Variants in ANXA3 observed in about 807,000 individuals in gnomAD.
The protein encoded by ANXA3 is annexin A3.
ANXA3 carries 46 observed loss-of-function variants against 48.8 expected under a neutral mutation model. The observed-to-expected ratio is 0.94, with a 90% CI of 0.74 to 1.21. The LOEUF (loss-of-function observed/expected upper bound fraction) is 1.21. Ranked by LOEUF, ANXA3 falls within the 50% of genes most tolerant of loss-of-function variation. The probability of loss-of-function intolerance (pLI) is 0.00; values close to 1 mark genes in which losing one functional copy is unlikely to be tolerated. For synonymous variants in ANXA3, 128 were observed against 134.7 expected (o/e 0.95, Z 0.35); for missense variants, 383 against 378.6 (o/e 1.01, Z -0.10).
At chr4:78,590,256 T>G (rs1723261769) in intron 6 of ANXA3, among the ~76,000 whole-genome samples, 2 of 152,178 alleles carry the variant, frequency 1.3e-5, no homozygotes, top group Non-Finnish European at 2.9e-5. Flanking sequence ...ACCATTAGGT[T>G]TAATGATGCC....
Position 78,591,555 on chromosome 4 carries a change from A to G in ANXA3, c.415A>G (p.Ser139Gly), listed in dbSNP as rs201122822. 1.9e-6 allele frequency: 3 copies of G among 1,611,072 alleles called. No individual in the cohort carries two copies. Among genetic ancestry groups the G allele is most frequent in the Non-Finnish European group, 2.5e-6 (3 of 1,177,758 alleles). ...TGATTTGGTTTCAGTATACAAGAAGAGTCTTGGAGATGACATTAGTTCCGA... is the reference window on the plus strand; with the variant it reads ...TGATTTGGTTTCAGTATACAAGAAGGGTCTTGGAGATGACATTAGTTCCGA... ...SQAYYTVYKKSLGDDISSETS... is the reference protein window; with the variant it reads ...SQAYYTVYKKGLGDDISSETS... Residue 139 changes from serine (S) to glycine (G), a missense_variant, in exon 7 of 13, where the codon AGT (serine) becomes GGT (glycine). Transcript: ENST00000264908.
chr4:78,577,542 G>A (rs1312062899), intron 3 of ANXA3, among the ~76,000 whole-genome samples: 3 of 152,104 alleles, frequency 2.0e-5, no homozygotes, highest in African/African-American at 4.8e-5. Flanking sequence ...AATCTGATTC[G>A]GTATTTATTT....
At chr4:78,569,774 C>T (rs1053911120) in intron 2 of ANXA3, among the ~76,000 whole-genome samples, 9 of 152,144 alleles carry the variant, frequency 5.9e-5, no homozygotes, top group Non-Finnish European at 8.8e-5. Flanking sequence ...TGAACTCCCT[C>T]GAGGCATTGT....
At chr4:78,595,699 A>G (rs1723409005) in intron 8 of ANXA3, 95 bp from the exon 9 acceptor site, 3 of 812,452 alleles carry the variant, frequency 3.7e-6, no homozygotes, top group African/African-American at 3.5e-5. Context: ...ATAATAGATG[A>G]TGGCACTGAC....
intron 2 of ANXA3, among the ~76,000 whole-genome samples, chr4:78,564,943 T>C (rs972395078): frequency 1.3e-5 from 2 of 152,032 alleles, no homozygotes; most frequent in Admixed American, 6.5e-5. Context: ...TGTAAGGAGT[T>C]TGGACTCTAT....
rs79286010 is a variant in ANXA3, at chr4:78,569,711, C to T, written c.16-3469C>T. Among the ~76,000 whole-genome samples the T allele has an allele frequency of 6.6e-3, 1,002 of 152,298 alleles. 13 individuals carry two copies. The highest frequency in any genetic ancestry group is 0.023 in the African/African-American group (961 of 41,544). On this transcript the variant is annotated intron_variant, in intron 2 of 12. Coordinates refer to ENST00000264908, the MANE Select transcript of ANXA3 (RefSeq NM_005139.3). ...AGAATTTGCATTTCTGTCACATTCCCGGGTGATGCTGATGCAGCTGCTTCA... is the reference window on the plus strand; with the variant it reads ...AGAATTTGCATTTCTGTCACATTCCTGGGTGATGCTGATGCAGCTGCTTCA...
chr4:78,598,179 C>CA (rs1723460410), intron 10 of ANXA3, among the ~76,000 whole-genome samples: 1 of 144,666 alleles, frequency 6.9e-6, no homozygotes, highest in African/African-American at 2.5e-5. Flanking sequence ...ATTAAAAAAA[C>CA]CACACACACA....
intron 6 of ANXA3, among the ~76,000 whole-genome samples, chr4:78,588,438 A>G (rs1351373151): frequency 6.6e-6 from 1 of 152,204 alleles, no homozygotes; most frequent in South Asian, 2.1e-4. Flanking sequence ...GGACTGAAAA[A>G]GCAAAAAGGG....
chr4:78,557,119 C>G (rs1182740697), intron 2 of ANXA3, among the ~76,000 whole-genome samples: 1 of 152,046 alleles, frequency 6.6e-6, no homozygotes, highest in African/African-American at 2.4e-5. Flanking sequence ...AATTTAGTTC[C>G]TTGTAGTTGT....
At chr4:78,570,045 T>C (rs1398650641) in intron 2 of ANXA3, among the ~76,000 whole-genome samples, 1 of 152,250 alleles carries the variant, frequency 6.6e-6, no homozygotes, top group Non-Finnish European at 1.5e-5. Context: ...ATGTAATATT[T>C]CCGAATGATT....
At chr4:78,609,545 A>G (rs1723714428) in intron 12 of ANXA3, among the ~76,000 whole-genome samples, 1 of 152,208 alleles carries the variant, frequency 6.6e-6, no homozygotes, top group South Asian at 2.1e-4. Flanking sequence ...GAGCCAGGAT[A>G]TAGGGATTCA....
In ANXA3 at chr4:78,579,064, G is replaced by C. The variant is rs1228066657; in HGVS notation, c.141G>C (p.Glu47Asp). 24 of 1,612,614 alleles carry C rather than the reference G, an allele frequency of 1.5e-5. No individual in the cohort carries two copies. The highest frequency in any genetic ancestry group is 2.0e-5 in the Non-Finnish European group (24 of 1,178,938). The change falls in exon 4 of 13, where the codon GAG (glutamate) becomes GAC (aspartate). Residue 47 changes from glutamate to aspartate, a missense_variant. Physicochemically the swap from Glu to Asp is conservative, Grantham distance 45 (BLOSUM62 2). Coordinates refer to ENST00000264908, the MANE Select transcript of ANXA3 (RefSeq NM_005139.3). ...DEKMLISILT[E>D]RSNAQRQLIV... is the part of the protein sequence containing the mutation. ...AAATGCTCATCAGCATTCTGACTGA[G>C]AGGTCAAATGCACAGCGGCAGCTGA...
At chr4:78,579,219 T>C in intron 4 of ANXA3, 98 bp downstream of exon 4, 1 of 789,598 alleles carries the variant, frequency 1.3e-6, no homozygotes, top group South Asian at 2.1e-5. Flanking sequence ...TCAGGCTGAG[T>C]GTAACAGAAG....
chr4:78,590,549 A>G (rs1179174860), intron 6 of ANXA3, among the ~76,000 whole-genome samples: 1 of 152,208 alleles, frequency 6.6e-6, no homozygotes, highest in African/African-American at 2.4e-5. Flanking sequence ...GGTGTCACCT[A>G]CAACAAAGGG....
chr4:78,584,345 A>AT (rs796881175), intron 5 of ANXA3, among the ~76,000 whole-genome samples: 75 of 146,686 alleles, frequency 5.1e-4, no homozygotes, highest in Middle Eastern at 3.6e-3. Context: ...GCTAATTAAA[A>AT]TTTTTTTTTT....
chr4:78,572,448 G>A (rs1722858173), intron 2 of ANXA3, among the ~76,000 whole-genome samples: 1 of 152,172 alleles, frequency 6.6e-6, no homozygotes, highest in Non-Finnish European at 1.5e-5. Flanking sequence ...GTGGGAGACA[G>A]AGTTATTACT....
intron 7 of ANXA3, among the ~76,000 whole-genome samples, chr4:78,592,358 C>T (rs1002220859): frequency 6.6e-6 from 1 of 152,174 alleles, no homozygotes; most frequent in African/African-American, 2.4e-5. Flanking sequence ...ACGGTCTCAG[C>T]CTCATGGTTG....
At chr4:78,591,162 A>G (rs754646402) in intron 6 of ANXA3, among the ~76,000 whole-genome samples, 4 of 152,240 alleles carry the variant, frequency 2.6e-5, no homozygotes, top group Non-Finnish European at 5.9e-5. Context: ...TAAGCTGTGT[A>G]CATTATATCT....
intron 4 of ANXA3, among the ~76,000 whole-genome samples, chr4:78,579,711 C>A (rs1057173352): frequency 3.9e-5 from 6 of 152,042 alleles, no homozygotes; most frequent in African/African-American, 1.4e-4. Context: ...GGTGGATCAC[C>A]TGAGATCAGG....
Sources: allele counts gnomAD v4.1 joint callset (sites outside exome capture counted in the v4.1 genomes callset), GRCh38; gene constraint gnomAD v4.1.1; transcripts MANE v1.5; gene names NCBI Gene and HGNC (gene_info 2026-07-23, HGNC 2026-07-21).